The following RORA variants were observed in gnomAD, a reference collection of about 807,000 sequenced individuals.
RORA encodes RAR related orphan receptor A.
Under a neutral mutation model 69.5 loss-of-function variants are expected in RORA, and 7 were observed. That is an observed-to-expected ratio of 0.10 (90% confidence interval 0.06 to 0.19). RORA has a LOEUF of 0.19. Ranked by LOEUF, RORA falls within the 10% of genes least tolerant of loss-of-function variation. The pLI is 1.00. For missense variants in RORA, 457 were observed against 663.0 expected, an observed-to-expected ratio of 0.69 and a Z score of 3.41; for synonymous variants, 261 against 240.8, an observed-to-expected ratio of 1.08 and a Z score of -0.78.
intron 2 of RORA, among the ~76,000 whole-genome samples, chr15:60,660,603 T>TCAA (rs1021572915): frequency 6.6e-6 from 1 of 152,176 alleles, no homozygotes; most frequent in African/African-American, 2.4e-5. Context: ...CCTCAAACTG[T>TCAA]CAACTCCGAC....
At chr15:60,544,787 T>C (rs552290394) in intron 2 of RORA, 5 of 152,164 alleles carry the variant, frequency 3.3e-5, no homozygotes, top group African/African-American at 1.2e-4. Context: ...CCATTTCCTA[T>C]TGTAATTCAC....
intron 1 of RORA, among the ~76,000 whole-genome samples, chr15:60,717,534 T>C (rs2071235707): frequency 6.6e-6 from 1 of 152,218 alleles, no homozygotes; most frequent in Admixed American, 6.5e-5. Flanking sequence ...CAAGGTACAA[T>C]CTTCCTTTCT....
chr15:61,107,696 GTGGCTCTTT>G (rs1417259181), intron 1 of RORA, among the ~76,000 whole-genome samples: 4 of 151,988 alleles, frequency 2.6e-5, no homozygotes, highest in Non-Finnish European at 5.9e-5. Context: ...TCATTACCCT[GTGGCTCTTT>G]TGGCCCTTGA....
chr15:60,636,932 T>G (rs535348461), intron 2 of RORA, among the ~76,000 whole-genome samples: 11 of 152,236 alleles, frequency 7.2e-5, no homozygotes, highest in African/African-American at 2.6e-4. Flanking sequence ...AATGGCAGTA[T>G]AATTTGCCAT....
At chr15:60,783,752 C>G (rs1427680056) in intron 1 of RORA, among the ~76,000 whole-genome samples, 1 of 152,178 alleles carries the variant, frequency 6.6e-6, no homozygotes, top group Non-Finnish European at 1.5e-5. Context: ...CACATGAGCT[C>G]ACATCCATTC....
At chr15:61,057,636 A>G (rs947235485) in intron 1 of RORA, among the ~76,000 whole-genome samples, 1 of 152,176 alleles carries the variant, frequency 6.6e-6, no homozygotes, top group Non-Finnish European at 1.5e-5. Flanking sequence ...TGAGACACAG[A>G]CATCTATAGA....
chr15:60,798,133 A>G (rs1382441750), intron 1 of RORA, among the ~76,000 whole-genome samples: 1 of 147,144 alleles, frequency 6.8e-6, no homozygotes, highest in Non-Finnish European at 1.5e-5. Flanking sequence ...TATACATGAG[A>G]AAAAAAAACT....
chr15:60,826,561 G>A (rs761373044), intron 1 of RORA, among the ~76,000 whole-genome samples: 2 of 152,118 alleles, frequency 1.3e-5, no homozygotes, highest in Non-Finnish European at 2.9e-5. Context: ...TGATTTAAAT[G>A]AAGAAAGAAA....
intron 2 of RORA, among the ~76,000 whole-genome samples, chr15:60,628,035 A>G (rs2069638198): frequency 6.6e-6 from 1 of 152,252 alleles, no homozygotes; most frequent in Non-Finnish European, 1.5e-5. Flanking sequence ...AAAATAGTAC[A>G]GATAATGCCT....
intron 2 of RORA, among the ~76,000 whole-genome samples, chr15:60,575,593 G>A (rs931723402): frequency 6.6e-6 from 1 of 151,998 alleles, no homozygotes; most frequent in African/African-American, 2.4e-5. Flanking sequence ...TTATTGAAGT[G>A]CAACATGCAA....
At position 61,161,738 on chromosome 15, in the gene RORA, A is replaced by G. The variant is rs1454677980; in HGVS notation, c.166+67315T>C. ...TAGATAATTTGAAGATGCTAATTAC[A>G]GGCAATTTCTTCTCATAGCCAATAT... is the stretch of plus-strand genomic sequence containing the variant. On this transcript the variant is annotated intron_variant, in intron 1 of 10. Transcript: ENST00000335670. Among the ~76,000 whole-genome samples the G allele has an allele frequency of 2.6e-5, 4 of 152,180 alleles. No individual in the cohort carries two copies. The East Asian group carries it at 5.8e-4, about 22-fold the overall frequency.
At chr15:60,704,901 C>T (rs527673765) in intron 1 of RORA, among the ~76,000 whole-genome samples, 27 of 152,284 alleles carry the variant, frequency 1.8e-4, no homozygotes, top group Admixed American at 1.4e-3. Context: ...ACATTGCTCC[C>T]CACTCTGACC....
intron 1 of RORA, among the ~76,000 whole-genome samples, chr15:61,053,848 G>GATATATAT (rs3053963): frequency 0.6 from 54,782 of 90,968 alleles, 18,521 homozygotes; most frequent in Middle Eastern, 0.73. Context: ...TAGACTTCAT[G>GATATATAT]ATATATATAT....
At chr15:61,158,922 C>G (rs555145981) in intron 1 of RORA, among the ~76,000 whole-genome samples, 1 of 152,252 alleles carries the variant, frequency 6.6e-6, no homozygotes, top group South Asian at 2.1e-4. Context: ...GCACCTTTAA[C>G]CAAGGACAGA....
chr15:60,998,598 C>G (rs1311852103), intron 1 of RORA, among the ~76,000 whole-genome samples: 4 of 152,148 alleles, frequency 2.6e-5, no homozygotes, highest in African/African-American at 9.7e-5. Context: ...AGGGTTTCAC[C>G]ATGTTAGCTA....
At chr15:60,669,486 C>T (rs915481610) in intron 2 of RORA, among the ~76,000 whole-genome samples, 1 of 152,110 alleles carries the variant, frequency 6.6e-6, no homozygotes, top group African/African-American at 2.4e-5. Context: ...ATTCACATAA[C>T]CCTAACTAAA....
At chr15:60,576,592 TATTTA>T (rs1277785864) in intron 2 of RORA, among the ~76,000 whole-genome samples, 8 of 152,254 alleles carry the variant, frequency 5.3e-5, no homozygotes, top group African/African-American at 1.9e-4. Context: ...GGCTTTCACA[TATTTA>T]ATTAGTGTAA....
chr15:60,650,310 C>G (rs539165349), intron 2 of RORA, among the ~76,000 whole-genome samples: 3 of 152,120 alleles, frequency 2.0e-5, no homozygotes, highest in South Asian at 4.2e-4. Context: ...TGAAGTTGTT[C>G]GAGAACATTT....
intron 1 of RORA, among the ~76,000 whole-genome samples, chr15:61,206,583 C>T (rs902893099): frequency 2.6e-5 from 4 of 152,150 alleles, no homozygotes; most frequent in East Asian, 1.9e-4. Context: ...CTGACCATCC[C>T]GCCCTTCACC....
Sources: allele counts gnomAD v4.1 joint callset (sites outside exome capture counted in the v4.1 genomes callset), GRCh38; gene constraint gnomAD v4.1.1; transcripts MANE v1.5; gene names NCBI Gene and HGNC (gene_info 2026-07-23, HGNC 2026-07-21).